MEIKIN: variants seen among roughly 807,000 people sequenced by gnomAD.
The protein encoded by MEIKIN is meiosis-specific kinetochore protein.
chr5:131,837,434 A>G (rs1377496776), intron 11 of MEIKIN, among the ~76,000 whole-genome samples: 1 of 152,164 alleles, frequency 6.6e-6, no homozygotes, highest in Admixed American at 6.5e-5. Context: ...TTGAATCTAT[A>G]AATTGCTTTG....
chr5:131,844,265 A>G (rs1749971271), intron 11 of MEIKIN, among the ~76,000 whole-genome samples: 1 of 152,226 alleles, frequency 6.6e-6, no homozygotes, highest in Non-Finnish European at 1.5e-5. Context: ...AATCTATATC[A>G]TTCCAGACTT....
intron 8 of MEIKIN, among the ~76,000 whole-genome samples, chr5:131,885,309 C>T (rs1750762326): frequency 7.1e-6 from 1 of 141,336 alleles, no homozygotes; most frequent in Admixed American, 7.8e-5. Flanking sequence ...CTTGTGTTAC[C>T]CCACCCCCAG....
intron 11 of MEIKIN, among the ~76,000 whole-genome samples, chr5:131,850,090 A>G (rs543475297): frequency 6.6e-6 from 1 of 152,218 alleles, no homozygotes; most frequent in Non-Finnish European, 1.5e-5. Flanking sequence ...AATTCAATTC[A>G]TAATAGCATC....
chr5:131,870,887 T>C (rs973891676), intron 9 of MEIKIN, among the ~76,000 whole-genome samples: 7 of 152,154 alleles, frequency 4.6e-5, no homozygotes, highest in African/African-American at 1.4e-4. Flanking sequence ...TCTAATTCCT[T>C]ACAGTGACAA....
chr5:131,897,355 T>C (rs895362441), intron 8 of MEIKIN, among the ~76,000 whole-genome samples: 2 of 152,204 alleles, frequency 1.3e-5, no homozygotes, highest in Non-Finnish European at 2.9e-5. Context: ...CTGACAATTA[T>C]GTGTCTTAGG....
intron 4 of MEIKIN, among the ~76,000 whole-genome samples, chr5:131,936,110 C>T (rs1393788055): frequency 2.0e-5 from 3 of 152,132 alleles, no homozygotes; most frequent in Admixed American, 2.0e-4. Flanking sequence ...AAGCCAGGCT[C>T]AGAAATAAGG....
chr5:131,832,566 G>A (rs1264484171), intron 11 of MEIKIN, among the ~76,000 whole-genome samples: 1 of 152,210 alleles, frequency 6.6e-6, no homozygotes, highest in Non-Finnish European at 1.5e-5. Flanking sequence ...TGCCTCAGCA[G>A]GGACTTTGTA....
chr5:131,839,735 T>C (rs1477431007), intron 11 of MEIKIN, among the ~76,000 whole-genome samples: 1 of 152,226 alleles, frequency 6.6e-6, no homozygotes, highest in African/African-American at 2.4e-5. Flanking sequence ...TTTCAGCCTA[T>C]GTATGTCACT....
intron 8 of MEIKIN, among the ~76,000 whole-genome samples, chr5:131,897,533 T>C (rs1340097132): frequency 1.3e-5 from 2 of 152,226 alleles, no homozygotes; most frequent in Non-Finnish European, 2.9e-5. Context: ...CAGTCAAACG[T>C]AGATTTGGTC....
At chr5:131,926,620 T>C (rs1217841042) in intron 5 of MEIKIN, among the ~76,000 whole-genome samples, 1 of 152,206 alleles carries the variant, frequency 6.6e-6, no homozygotes, top group African/African-American at 2.4e-5. Flanking sequence ...TAAATACTCT[T>C]TAAATGTTTG....
chr5:131,854,272 G>C (rs987398222), intron 10 of MEIKIN, among the ~76,000 whole-genome samples: 1 of 152,122 alleles, frequency 6.6e-6, no homozygotes, highest in Non-Finnish European at 1.5e-5. Context: ...ACTTATATGA[G>C]GTACCTAGAG....
chr5:131,863,060 G>A (rs188877568), intron 9 of MEIKIN, among the ~76,000 whole-genome samples: 11 of 152,108 alleles, frequency 7.2e-5, no homozygotes, highest in East Asian at 3.9e-4. Flanking sequence ...ATCATTCAGC[G>A]GCATCTTGCT....
chr5:131,901,249 T>C (rs1751151246), intron 8 of MEIKIN, among the ~76,000 whole-genome samples: 1 of 152,044 alleles, frequency 6.6e-6, no homozygotes, highest in Admixed American at 6.6e-5. Context: ...CACAAAACTA[T>C]ATAGGGAGAC....
At chr5:131,932,027 G>A (rs1246084921) in intron 5 of MEIKIN, among the ~76,000 whole-genome samples, 1 of 152,076 alleles carries the variant, frequency 6.6e-6, no homozygotes, top group Admixed American at 6.6e-5. Flanking sequence ...AGGACTCCTG[G>A]GGTCAGTATC....
At chr5:131,821,889 T>A (rs1561722592) in intron 11 of MEIKIN, among the ~76,000 whole-genome samples, 2 of 152,156 alleles carry the variant, frequency 1.3e-5, no homozygotes, top group Admixed American at 1.3e-4. Flanking sequence ...CCTCCCAAAG[T>A]GCTAGGATTA....
intron 9 of MEIKIN, among the ~76,000 whole-genome samples, chr5:131,859,099 C>A (rs1750240951): frequency 6.6e-6 from 1 of 152,154 alleles, no homozygotes; most frequent in Non-Finnish European, 1.5e-5. Context: ...GAATATAAAT[C>A]ATTCTACCAT....
At chr5:131,880,383 G>A (rs1418267969) in intron 8 of MEIKIN, among the ~76,000 whole-genome samples, 8 of 147,686 alleles carry the variant, frequency 5.4e-5, no homozygotes, top group Admixed American at 1.4e-4. Context: ...GATTACAGGC[G>A]TGAGCCAACG....
intron 12 of MEIKIN, among the ~76,000 whole-genome samples, chr5:131,808,287 A>T (rs1772884114): frequency 6.6e-6 from 1 of 152,196 alleles, no homozygotes; most frequent in South Asian, 2.1e-4. Flanking sequence ...AACTTCCCAA[A>T]TGGGTAATCA....
chr5:131,944,145 TTTAATG>T (rs892691155), intron 3 of MEIKIN, among the ~76,000 whole-genome samples: 9 of 149,806 alleles, frequency 6.0e-5, no homozygotes, highest in African/African-American at 1.7e-4. Context: ...GACTATGAAG[TTTAATG>T]TTAATGTCAG....
Sources: allele counts gnomAD v4.1 joint callset (sites outside exome capture counted in the v4.1 genomes callset), GRCh38; gene constraint gnomAD v4.1.1; transcripts MANE v1.5; gene names NCBI Gene and HGNC (gene_info 2026-07-23, HGNC 2026-07-21).